Variants in GPHN observed in about 807,000 individuals in gnomAD.
GPHN encodes the protein gephyrin.
GPHN carries 17 observed loss-of-function variants against 95.5 expected under a neutral mutation model. The ratio of observed to expected loss-of-function variants is 0.18; its 90% CI spans 0.12 to 0.27. The LOEUF (loss-of-function observed/expected upper bound fraction) is 0.27. GPHN is among the 10% of genes least tolerant of loss of function. The pLI, the probability that GPHN is intolerant of heterozygous loss-of-function variation, is 1.00. For missense variants in GPHN, 660 were observed against 978.1 expected, an observed-to-expected ratio of 0.67 and a Z score of 4.34; for synonymous variants, 320 against 322.5, an observed-to-expected ratio of 0.99 and a Z score of 0.08.
At chr14:66,964,384 C>T (rs1235857553) in intron 8 of GPHN, among the ~76,000 whole-genome samples, 1 of 152,104 alleles carries the variant, frequency 6.6e-6, no homozygotes, top group Non-Finnish European at 1.5e-5. Flanking sequence ...AAAGGTATAT[C>T]CATCAGGATC....
rs187717666 is a variant in GPHN, at chr14:67,126,367, G to A, written c.1748+3990G>A. ...TATAAAGACAAGATATTGTATACCTGTGTACTACTGTGGGCTGGATTGGTC... is the reference window on the plus strand; with the variant it reads ...TATAAAGACAAGATATTGTATACCTATGTACTACTGTGGGCTGGATTGGTC... On this transcript the variant is annotated intron_variant, in intron 17 of 22. Transcript: ENST00000478722. Among the ~76,000 whole-genome samples the A allele has an allele frequency of 2.0e-4, 31 of 152,276 alleles. 1 individual carries two copies. Among genetic ancestry groups the A allele is most frequent in the Admixed American group, 1.8e-3 (28 of 15,302 alleles).
chr14:66,615,808 T>C (rs930412665), intron 1 of GPHN, among the ~76,000 whole-genome samples: 7 of 152,074 alleles, frequency 4.6e-5, no homozygotes, highest in Admixed American at 1.3e-4. Flanking sequence ...GTGTCCTGAA[T>C]GATATTGCCT....
At chr14:67,363,829 A>G in the GPHN span, among the ~76,000 whole-genome samples, 2 of 152,210 alleles carry the variant, frequency 1.3e-5, no homozygotes, top group Non-Finnish European at 2.9e-5. Context: ...AAGTTCTGTT[A>G]CTACCTACGT....
At chr14:66,845,414 T>C (rs575677855) in intron 4 of GPHN, among the ~76,000 whole-genome samples, 12 of 152,288 alleles carry the variant, frequency 7.9e-5, no homozygotes, top group African/African-American at 2.9e-4. Flanking sequence ...AAGACTATTC[T>C]ATGAATAAAA....
the GPHN span, among the ~76,000 whole-genome samples, chr14:67,381,108 C>T: frequency 7.2e-5 from 11 of 152,122 alleles, no homozygotes; most frequent in Admixed American, 6.5e-4. Context: ...TAGCCTTTTC[C>T]ACCCAGTGTA....
At chr14:67,685,344 C>T in the GPHN span, 1 of 633,974 alleles carries the variant, frequency 1.6e-6, no homozygotes, top group Non-Finnish European at 2.7e-6. Context: ...GTACTGCTCA[C>T]AGTAATTTAT....
At chr14:66,744,843 A>G (rs147409531) in intron 2 of GPHN, among the ~76,000 whole-genome samples, 1,826 of 147,980 alleles carry the variant, frequency 0.012, 19 homozygotes, top group Non-Finnish European at 0.018. Flanking sequence ...TAGAGATTCA[A>G]TATAGCAATG....
chr14:67,316,959 C>T, the GPHN span: 25 of 1,397,438 alleles, frequency 1.8e-5, no homozygotes, highest in Non-Finnish European at 2.5e-5. Context: ...CATCTGGAGC[C>T]ATGTGTGAAT....
At chr14:67,223,275 C>T in the GPHN span, among the ~76,000 whole-genome samples, 31 of 152,338 alleles carry the variant, frequency 2.0e-4, no homozygotes, top group Non-Finnish European at 3.7e-4. Flanking sequence ...GCTGGGATTA[C>T]AGGCGTGAGC....
At chr14:66,861,286 T>C (rs1301735874) in intron 4 of GPHN, among the ~76,000 whole-genome samples, 1 of 152,076 alleles carries the variant, frequency 6.6e-6, no homozygotes, top group Non-Finnish European at 1.5e-5. Context: ...AAAGTCATTA[T>C]ATAATGATAA....
At chr14:66,628,781 G>A (rs945853596) in intron 1 of GPHN, among the ~76,000 whole-genome samples, 9 of 151,496 alleles carry the variant, frequency 5.9e-5, no homozygotes, top group Non-Finnish European at 1.2e-4. Context: ...TTTATTTCTG[G>A]CAGGCATGTG....
chr14:66,635,074 C>G (rs920317525), intron 1 of GPHN, among the ~76,000 whole-genome samples: 4 of 152,162 alleles, frequency 2.6e-5, no homozygotes, highest in Non-Finnish European at 5.9e-5. Flanking sequence ...TTGTTGCCAG[C>G]TAGAACTCAG....
At chr14:67,620,157 AG>A in the GPHN span, 1 of 1,187,942 alleles carries the variant, frequency 8.4e-7, no homozygotes, top group Non-Finnish European at 1.2e-6. Context: ...CAGCGGCGGT[AG>A]GGTGCGGGGG....
chr14:67,405,201 G>C, the GPHN span, among the ~76,000 whole-genome samples: 2 of 145,590 alleles, frequency 1.4e-5, no homozygotes, highest in South Asian at 4.4e-4. Flanking sequence ...CTCCAGCCTG[G>C]GCGACAGAGC....
At chr14:67,690,281 C>G in the GPHN span, 1 of 1,614,176 alleles carries the variant, frequency 6.2e-7, no homozygotes, top group South Asian at 1.1e-5. Flanking sequence ...TAGGCCAGGC[C>G]TGCATTGTAG....
chr14:66,937,012 A>AT (rs199667961), intron 8 of GPHN, among the ~76,000 whole-genome samples: 4 of 151,624 alleles, frequency 2.6e-5, no homozygotes, highest in Non-Finnish European at 4.4e-5. Flanking sequence ...CGTGAAGATA[A>AT]TTTTTTTTTC....
intron 17 of GPHN, 30 bp from the exon 18 acceptor site, chr14:67,143,332 G>T: frequency 7.1e-7 from 1 of 1,413,920 alleles, no homozygotes; most frequent in Non-Finnish European, 1.0e-6. Context: ...TTCCTTGTGT[G>T]TTAATTTCTT....
chr14:66,965,276 G>C lies in GPHN; in HGVS notation c.914G>C (p.Arg305Pro), dbSNP rs778622230. ...SLSTTPSESP[R>P]AQATSRLSTA... ...AGCACTACTCCTTCAGAATCGCCTCGTGCTCAGGCTACATCTCGCCTCTCT... is the reference window on the plus strand; with the variant it reads ...AGCACTACTCCTTCAGAATCGCCTCCTGCTCAGGCTACATCTCGCCTCTCT... The change falls in exon 9 of 23, where the codon CGT becomes CCT. Residue 305 changes from arginine (R) to proline (P), a missense_variant. Physicochemically the swap from Arg to Pro is moderately radical, Grantham distance 103. Coordinates refer to ENST00000478722, the MANE Select transcript of GPHN (RefSeq NM_020806.5). 6.2e-7 allele frequency: 1 copy of C among 1,613,374 alleles called. No homozygotes were observed. The highest frequency in any genetic ancestry group is 1.7e-5 in the Admixed American group (1 of 59,958).
At chr14:66,541,425 A>G (rs535076746) in intron 1 of GPHN, among the ~76,000 whole-genome samples, 5 of 152,370 alleles carry the variant, frequency 3.3e-5, no homozygotes, top group Admixed American at 2.6e-4. Flanking sequence ...TCTTAGGTCA[A>G]TTATTTTGAC....
Sources: gnomAD v4.1 joint callset for allele counts (sites outside exome capture counted in the v4.1 genomes callset) on GRCh38, gnomAD v4.1.1 for gene constraint, MANE v1.5 for transcripts, NCBI Gene and HGNC (gene_info 2026-07-23, HGNC 2026-07-21) for gene names.